The following TNR variants were observed in gnomAD, a reference collection of about 807,000 sequenced individuals.
TNR encodes the protein tenascin R, also known as tenascin-R.
A neutral mutation model predicts 150.4 loss-of-function variants in TNR; 45 were observed. The observed-to-expected ratio is 0.30, with a 90% CI of 0.24 to 0.38. The LOEUF is 0.38. Ranked by LOEUF, TNR falls within the 10% of genes least tolerant of loss-of-function variation. TNR has a pLI of 1.00. For missense variants in TNR, 1,544 were observed against 1,759.1 expected (o/e 0.88, Z 2.19); for synonymous variants, 687 against 678.4 (o/e 1.01, Z -0.20).
chr1:175,669,638 C>A (rs1325018373), intron 1 of TNR, among the ~76,000 whole-genome samples: 1 of 152,170 alleles, frequency 6.6e-6, no homozygotes, highest in African/African-American at 2.4e-5. Flanking sequence ...TTAATGTCAA[C>A]CATCACCAGC....
chr1:175,636,347 A>T (rs1177524889), intron 1 of TNR, among the ~76,000 whole-genome samples: 1 of 152,164 alleles, frequency 6.6e-6, no homozygotes, highest in Non-Finnish European at 1.5e-5. Context: ...CCACAGACTT[A>T]ATAGTTAAGT....
At chr1:175,373,203 C>T (rs1352949450) in intron 9 of TNR, among the ~76,000 whole-genome samples, 1 of 151,844 alleles carries the variant, frequency 6.6e-6, no homozygotes, top group Admixed American at 6.6e-5. Context: ...GCATCCCAGA[C>T]AAAGGAAACA....
Position 175,365,098 on chromosome 1 carries a change from G to A in TNR, c.2499C>T (p.Gly833=), listed in dbSNP as rs748410236. The A allele has an allele frequency of 2.5e-6, 4 of 1,613,908 alleles. No individual in the cohort carries two copies. The African/African-American group carries it at 4.0e-5, about 16-fold the overall frequency. Residue 833 remains glycine (G), a synonymous_variant, in exon 12 of 23, where the codon GGC becomes GGT. Coordinates refer to ENST00000367674, the MANE Select transcript of TNR (RefSeq NM_003285.3). The part of the protein sequence containing the change: ...DATKRHAVLM[G]LQPATEYIVN... ...CAATATACTCTGTGGCTGGTTGCAG[G>A]CCCATCAGGACAGCATGCCTCTTGG... is the stretch of plus-strand genomic sequence containing the variant.
At chr1:175,398,973 AACTG>A (rs1416907421) in intron 4 of TNR, among the ~76,000 whole-genome samples, 1 of 152,224 alleles carries the variant, frequency 6.6e-6, no homozygotes, top group East Asian at 1.9e-4. Flanking sequence ...GTCATAGCAG[AACTG>A]ACTGTCAAAC....
intron 1 of TNR, among the ~76,000 whole-genome samples, chr1:175,619,086 G>T (rs143044096): frequency 6.6e-6 from 1 of 152,282 alleles, no homozygotes; most frequent in Non-Finnish European, 1.5e-5. Flanking sequence ...GCCCTGGGGT[G>T]CTAGGAGGGT....
chr1:175,505,042 T>A (rs1658894996), intron 2 of TNR, among the ~76,000 whole-genome samples: 1 of 226 alleles, frequency 4.4e-3, no homozygotes, highest in South Asian at 0.12. Flanking sequence ...CAGGACTGTG[T>A]TGGATTCCCG....
chr1:175,634,668 C>T (rs1664439664), intron 1 of TNR, among the ~76,000 whole-genome samples: 1 of 152,066 alleles, frequency 6.6e-6, no homozygotes, highest in Non-Finnish European at 1.5e-5. Flanking sequence ...CCCAATATTC[C>T]CTGTCTCCAC....
intron 1 of TNR, among the ~76,000 whole-genome samples, chr1:175,701,273 C>G (rs765375162): frequency 1.3e-5 from 2 of 152,170 alleles, no homozygotes; most frequent in Non-Finnish European, 2.9e-5. Context: ...CTGCTCTCCT[C>G]TCTTCACCAT....
intron 2 of TNR, among the ~76,000 whole-genome samples, chr1:175,417,075 G>GAAAGAAAGAAAGA (rs754333098): frequency 1.4e-5 from 2 of 138,166 alleles, no homozygotes; most frequent in African/African-American, 5.4e-5. Context: ...AAGAAAGAAA[G>GAAAGAAAGAAAGA]AAATCTAAGA....
chr1:175,427,714 C>T (rs999908726), intron 2 of TNR, among the ~76,000 whole-genome samples: 22 of 130,660 alleles, frequency 1.7e-4, no homozygotes, highest in Admixed American at 6.9e-4. Context: ...TCCCTTCTTC[C>T]CTCCTTCTCT....
chr1:175,596,334 G>A (rs948473973), intron 1 of TNR, among the ~76,000 whole-genome samples: 3 of 151,992 alleles, frequency 2.0e-5, no homozygotes, highest in South Asian at 2.1e-4. Flanking sequence ...CCCACCCGTC[G>A]TTCACCACTT....
intron 15 of TNR, among the ~76,000 whole-genome samples, chr1:175,357,423 T>C (rs1651383716): frequency 6.6e-6 from 1 of 152,222 alleles, no homozygotes; most frequent in Non-Finnish European, 1.5e-5. Context: ...TTCAAGTTTC[T>C]TGTGGTCTAA....
chr1:175,472,577 C>A (rs1019228777), intron 2 of TNR, among the ~76,000 whole-genome samples: 2 of 152,186 alleles, frequency 1.3e-5, no homozygotes, highest in African/African-American at 4.8e-5. Context: ...ACAGCTACTA[C>A]GTCACTAGAG....
At chr1:175,484,160 C>T (rs1451880093) in intron 2 of TNR, among the ~76,000 whole-genome samples, 1 of 152,158 alleles carries the variant, frequency 6.6e-6, no homozygotes, top group Non-Finnish European at 1.5e-5. Context: ...GTCACTTAAC[C>T]TCTCATGCCT....
chr1:175,619,366 C>A (rs1366965637), intron 1 of TNR, among the ~76,000 whole-genome samples: 4 of 152,138 alleles, frequency 2.6e-5, no homozygotes, highest in Non-Finnish European at 5.9e-5. Flanking sequence ...CTAGGATGGC[C>A]TCCCAGGACA....
chr1:175,502,481 C>T (rs1419941423), intron 2 of TNR, among the ~76,000 whole-genome samples: 1 of 152,098 alleles, frequency 6.6e-6, no homozygotes. Flanking sequence ...CAAATTGACA[C>T]AATTCTGATG....
intron 2 of TNR, among the ~76,000 whole-genome samples, chr1:175,433,279 G>A (rs138425743): frequency 5.3e-5 from 8 of 152,228 alleles, no homozygotes; most frequent in Admixed American, 2.0e-4. Flanking sequence ...ACTGAACCCC[G>A]CCCTAGTTGA....
rs550225674 is a variant in TNR at position 175,567,769 on chromosome 1, T to C, written c.-164-39400A>G. 7.9e-4 allele frequency among the ~76,000 whole-genome samples: 120 copies of C among 152,258 alleles called. 1 individual carries two copies. Among genetic ancestry groups the C allele is most frequent in the African/African-American group, 2.7e-3 (114 of 41,554 alleles). On this transcript the variant is annotated intron_variant, in intron 1 of 22. Transcript: ENST00000367674. ...AAGAGAAGTAGGGGCTTTCTAAGCATGGCCCTCCAACTCCTTGATCATTCT... is the reference window on the plus strand; with the variant it reads ...AAGAGAAGTAGGGGCTTTCTAAGCACGGCCCTCCAACTCCTTGATCATTCT...
In TNR at chr1:175,363,788, G is replaced by C; in HGVS notation, c.2627C>G (p.Thr876Ser). The change falls in exon 13 of 23, where the codon ACC (threonine) becomes AGC (serine). Residue 876 changes from threonine (T) to serine (S), a missense_variant. Thr to Ser is a moderately conservative substitution (Grantham distance 58, BLOSUM62 1). Coordinates refer to ENST00000367674, the MANE Select transcript of TNR (RefSeq NM_003285.3). ...CCAGGAGACCATCACTGAGTCCTTG[G>C]TCACATTGCTAATTGTGATGTCTTT... ...PPKDITISNV[T>S]KDSVMVSWSP... 1 of 1,613,760 alleles carries C rather than the reference G, an allele frequency of 6.2e-7. No individual in the cohort carries two copies. The highest frequency in any genetic ancestry group is 8.5e-7 in the Non-Finnish European group (1 of 1,179,794).
Sources: allele counts gnomAD v4.1 joint callset (sites outside exome capture counted in the v4.1 genomes callset), GRCh38; gene constraint gnomAD v4.1.1; transcripts MANE v1.5; gene names NCBI Gene and HGNC (gene_info 2026-07-23, HGNC 2026-07-21).